SUMF1: variants seen among roughly 807,000 people sequenced by gnomAD.
SUMF1 encodes the protein sulfatase modifying factor 1.
SUMF1 carries 48 observed loss-of-function variants against 47.6 expected under a neutral mutation model. That is an observed-to-expected ratio of 1.01 (90% CI 0.80 to 1.28). The LOEUF (loss-of-function observed/expected upper bound fraction) is 1.28. Among genes scored for constraint, SUMF1 ranks in the 50% most tolerant of loss-of-function variants. The pLI, the probability that SUMF1 is intolerant of heterozygous loss-of-function variation, is 0.00. For missense variants in SUMF1, 571 were observed against 485.4 expected, an observed-to-expected ratio of 1.18 and a Z score of -1.66; for synonymous variants, 230 against 192.1, an observed-to-expected ratio of 1.20 and a Z score of -1.63.
chr3:4,221,411 T>TGG (rs1029205939), intron 8 of SUMF1, among the ~76,000 whole-genome samples: 28 of 105,374 alleles, frequency 2.7e-4, no homozygotes, highest in Admixed American at 2.9e-4. Flanking sequence ...TTTGGTTTTT[T>TGG]GGGGTGTGTG....
chr3:4,397,307 A>G (rs1443882982), intron 7 of SUMF1, among the ~76,000 whole-genome samples: 1 of 152,234 alleles, frequency 6.6e-6, no homozygotes, highest in Non-Finnish European at 1.5e-5. Flanking sequence ...TACAGACTAC[A>G]TTCACTGAAA....
intron 8 of SUMF1, among the ~76,000 whole-genome samples, chr3:4,198,845 AC>A (rs1695484701): frequency 6.6e-6 from 1 of 151,908 alleles, no homozygotes; most frequent in African/African-American, 2.4e-5. Context: ...TTCAAGAACC[AC>A]CATGAAGTAT....
At chr3:4,242,456 T>C (rs1193115299) in intron 8 of SUMF1, among the ~76,000 whole-genome samples, 1 of 152,194 alleles carries the variant, frequency 6.6e-6, no homozygotes, top group Non-Finnish European at 1.5e-5. Flanking sequence ...CATCAACACC[T>C]AGTTTATTGA....
chr3:4,121,993 G>A (rs1052109227), intron 8 of SUMF1, among the ~76,000 whole-genome samples: 1 of 152,114 alleles, frequency 6.6e-6, no homozygotes, highest in African/African-American at 2.4e-5. Flanking sequence ...GTGTTAATTT[G>A]TTAAAAATAA....
intron 8 of SUMF1, among the ~76,000 whole-genome samples, chr3:4,222,201 T>A (rs1052297044): frequency 5.3e-5 from 8 of 152,100 alleles, no homozygotes; most frequent in African/African-American, 1.9e-4. Flanking sequence ...TTAGGCTTTT[T>A]AAAAATTATC....
intron 1 of SUMF1, among the ~76,000 whole-genome samples, chr3:4,462,645 C>CATTAAAAG (rs1286170881): frequency 6.6e-6 from 1 of 152,176 alleles, no homozygotes; most frequent in Non-Finnish European, 1.5e-5. Context: ...TCTTTCCTCT[C>CATTAAAAG]CTCAACCTTA....
At chr3:4,200,230 A>G (rs1013535483) in intron 8 of SUMF1, among the ~76,000 whole-genome samples, 8 of 149,910 alleles carry the variant, frequency 5.3e-5, no homozygotes, top group African/African-American at 2.0e-4. Flanking sequence ...GTAGGTGTCA[A>G]CTTGACGGGA....
chr3:4,107,952 G>A (rs1270404), intron 8 of SUMF1, among the ~76,000 whole-genome samples: 1 of 151,402 alleles, frequency 6.6e-6, no homozygotes, highest in Non-Finnish European at 1.5e-5. Context: ...TAAAAGAAAA[G>A]AAAGAAAGAG....
At chr3:4,244,359 T>G (rs1559605783) in intron 8 of SUMF1, among the ~76,000 whole-genome samples, 1 of 152,236 alleles carries the variant, frequency 6.6e-6, no homozygotes, top group Non-Finnish European at 1.5e-5. Context: ...GCATCAATGG[T>G]CTTTACAATT....
rs112241629 is a variant in SUMF1, at chr3:4,132,830, A to C, written c.1015-64085T>G. Among the ~76,000 whole-genome samples the C allele has an allele frequency of 1.3e-3, 203 of 152,292 alleles. 2 individuals carry two copies. Among genetic ancestry groups the C allele is most frequent in the African/African-American group, 4.5e-3 (186 of 41,546 alleles). Reference sequence around the variant, plus strand: ...TACTACTCCACAACGGAGGTAAGGAAGAGTATGCATGGAATACAGGAGATC... The same window carrying C: ...TACTACTCCACAACGGAGGTAAGGACGAGTATGCATGGAATACAGGAGATC... On this transcript the variant is annotated intron_variant and NMD_transcript_variant, in intron 8 of 12. Coordinates refer to the SUMF1 transcript ENST00000448413.
At chr3:4,125,666 T>C (rs1449920488) in intron 8 of SUMF1, among the ~76,000 whole-genome samples, 2 of 152,146 alleles carry the variant, frequency 1.3e-5, no homozygotes, top group East Asian at 3.9e-4. Flanking sequence ...TCTTCTGTCA[T>C]AATCAATTAT....
intron 8 of SUMF1, among the ~76,000 whole-genome samples, chr3:4,217,020 A>G (rs933476614): frequency 1.3e-4 from 20 of 152,166 alleles, no homozygotes; most frequent in African/African-American, 4.3e-4. Context: ...CTGGGAATAT[A>G]CCCAAAGGAT....
At chr3:4,061,013 C>G (rs922887052) in intron 9 of SUMF1, among the ~76,000 whole-genome samples, 1 of 152,118 alleles carries the variant, frequency 6.6e-6, no homozygotes, top group Non-Finnish European at 1.5e-5. Flanking sequence ...GTTTCCAATA[C>G]TTTGTGGAAA....
At chr3:4,350,708 T>C (rs1267722595) in intron 8 of SUMF1, among the ~76,000 whole-genome samples, 2 of 152,160 alleles carry the variant, frequency 1.3e-5, no homozygotes, top group South Asian at 2.1e-4. Flanking sequence ...AGTAAAAAGA[T>C]GACAAATTAT....
intron 8 of SUMF1, among the ~76,000 whole-genome samples, chr3:4,122,080 T>C (rs1451796903): frequency 1.3e-5 from 2 of 152,156 alleles, no homozygotes; most frequent in Non-Finnish European, 2.9e-5. Context: ...TATTCTATGA[T>C]GTGTATGTAC....
chr3:4,074,051 A>G (rs1692355333), intron 8 of SUMF1, among the ~76,000 whole-genome samples: 1 of 152,144 alleles, frequency 6.6e-6, no homozygotes, highest in African/African-American at 2.4e-5. Flanking sequence ...TCTCAGCACC[A>G]CATCACACTT....
At position 4,284,162 on chromosome 3, in the gene SUMF1, C is replaced by G. The variant is rs148747521; in HGVS notation, c.1014+92168G>C. The stretch of plus-strand genomic sequence containing the variant: ...CAGGAGCAGAGGCTTATGCTTAGAA[C>G]GCTAGCACTTTGGGAGCTGAGGCAG... On this transcript the variant is annotated intron_variant and NMD_transcript_variant, in intron 8 of 12. Transcript: ENST00000448413. 9.7e-4 allele frequency among the ~76,000 whole-genome samples: 147 copies of G among 152,062 alleles called. 1 individual carries two copies. Among genetic ancestry groups the G allele is most frequent in the African/African-American group, 3.5e-3 (144 of 41,492 alleles).
intron 9 of SUMF1, among the ~76,000 whole-genome samples, chr3:4,063,251 A>G (rs1695303059): frequency 6.6e-6 from 1 of 152,114 alleles, no homozygotes. Flanking sequence ...GCTATCAGGC[A>G]GATTTACAAC....
intron 3 of SUMF1, among the ~76,000 whole-genome samples, chr3:4,432,257 T>G (rs112850531): frequency 1.3e-5 from 2 of 151,410 alleles, no homozygotes; most frequent in Non-Finnish European, 2.9e-5. Context: ...TTCCTGTCTT[T>G]TCTTTTCTCT....
Sources: allele counts gnomAD v4.1 joint callset (sites outside exome capture counted in the v4.1 genomes callset), GRCh38; gene constraint gnomAD v4.1.1; transcripts MANE v1.5; gene names NCBI Gene and HGNC (gene_info 2026-07-23, HGNC 2026-07-21).